Variants in RALYL observed in about 807,000 individuals in gnomAD.
The protein encoded by RALYL is RALY RNA binding protein like.
A neutral mutation model predicts 35.1 loss-of-function variants in RALYL; 29 were observed. That is an observed-to-expected ratio of 0.83 (90% CI 0.61 to 1.13). The LOEUF (loss-of-function observed/expected upper bound fraction) is 1.13. Ranked by LOEUF, RALYL falls within the 50% of genes most tolerant of loss-of-function variation. The pLI is 0.00. For synonymous variants in RALYL, 120 were observed against 127.6 expected (o/e 0.94, Z 0.40); for missense variants, 359 against 360.4 (o/e 1.00, Z 0.03).
intron 1 of RALYL, among the ~76,000 whole-genome samples, chr8:84,492,273 C>A (rs1233280345): frequency 6.6e-6 from 1 of 152,024 alleles, no homozygotes; most frequent in Non-Finnish European, 1.5e-5. Flanking sequence ...GAACACCAAT[C>A]CCTACATTTA....
At position 84,921,804 on chromosome 8, in the gene RALYL, A is replaced by G. The variant is rs1424668688; in HGVS notation, c.*893A>G. 2.0e-5 allele frequency: 3 copies of G among 152,208 alleles called. No individual in the cohort carries two copies. The highest frequency in any genetic ancestry group is 2.9e-5 in the Non-Finnish European group (2 of 68,012). 9.4% of individuals were successfully genotyped at this position (152,208 alleles called of 1,614,324 possible). A position where few individuals can be genotyped will look rare whatever the true frequency, so the allele number is the denominator to read the frequency against. On this transcript the variant is annotated 3_prime_UTR_variant, in exon 9 of 9. Transcript: ENST00000521268. ...TCTTCACAGACCGTAGGAGAATTCA[A>G]CATATAATTTCTTAATAAATACTGT... is the stretch of plus-strand genomic sequence containing the variant.
chr8:84,268,604 C>A (rs769679718), intron 1 of RALYL, among the ~76,000 whole-genome samples: 5 of 152,056 alleles, frequency 3.3e-5, no homozygotes, highest in African/African-American at 1.2e-4. Flanking sequence ...AGTTAAGATA[C>A]GCGGAACTAC....
chr8:84,376,421 G>T (rs1409872385), intron 1 of RALYL, among the ~76,000 whole-genome samples: 1 of 151,760 alleles, frequency 6.6e-6, no homozygotes, highest in Admixed American at 6.6e-5. Context: ...TTAGAAGAAG[G>T]TTATATGTAT....
intron 1 of RALYL, among the ~76,000 whole-genome samples, chr8:84,468,327 A>C (rs1314476319): frequency 1.3e-5 from 2 of 152,080 alleles, no homozygotes; most frequent in South Asian, 4.2e-4. Context: ...GAGCTCTTGT[A>C]AGGCAGGCCT....
At chr8:84,633,652 T>C (rs758310623) in intron 2 of RALYL, among the ~76,000 whole-genome samples, 6 of 151,818 alleles carry the variant, frequency 4.0e-5, no homozygotes, top group Non-Finnish European at 5.9e-5. Flanking sequence ...CAATACTAAC[T>C]AAAGATTAAA....
chr8:84,442,654 C>T (rs776442906), intron 1 of RALYL, among the ~76,000 whole-genome samples: 26 of 152,104 alleles, frequency 1.7e-4, no homozygotes, highest in Non-Finnish European at 2.1e-4. Context: ...TCTTCCCTCA[C>T]AGGAAACAGC....
chr8:84,684,651 G>A (rs567633302), intron 2 of RALYL, among the ~76,000 whole-genome samples: 8 of 152,282 alleles, frequency 5.3e-5, no homozygotes, highest in Non-Finnish European at 1.0e-4. Flanking sequence ...ACCTGAGGCT[G>A]GAAAGGTATG....
In RALYL at chr8:84,282,399, G is replaced by A. The variant is rs552732035; in HGVS notation, c.-24+97975G>A. 7.6e-4 allele frequency among the ~76,000 whole-genome samples: 115 copies of A among 152,038 alleles called. 1 individual carries two copies. The highest frequency in any genetic ancestry group is 2.7e-3 in the African/African-American group (114 of 41,536). On this transcript the variant is annotated intron_variant, in intron 1 of 8. Transcript: ENST00000521268. The stretch of plus-strand genomic sequence containing the variant: ...CATAGTAATTGCTAAAGGATATTTG[G>A]ATGAATTTTTGAGTAAATAAAACAA...
At chr8:84,680,595 G>T (rs1049652467) in intron 2 of RALYL, among the ~76,000 whole-genome samples, 3 of 152,126 alleles carry the variant, frequency 2.0e-5, no homozygotes, top group African/African-American at 7.2e-5. Flanking sequence ...TTCTCTGATG[G>T]CCAGTGATGA....
intron 2 of RALYL, chr8:84,679,719 A>C (rs1834973020): frequency 1.9e-6 from 1 of 520,802 alleles, no homozygotes; most frequent in Non-Finnish European, 3.9e-6. Context: ...CCTCAAGGCA[A>C]TATTAAGTGC....
intron 3 of RALYL, among the ~76,000 whole-genome samples, chr8:84,779,357 C>T (rs1817573094): frequency 6.6e-6 from 1 of 152,104 alleles, no homozygotes; most frequent in African/African-American, 2.4e-5. Context: ...TATCAGAGAA[C>T]AAAGACACTA....
At chr8:84,468,251 C>T (rs2133593726) in intron 1 of RALYL, among the ~76,000 whole-genome samples, 1 of 152,078 alleles carries the variant, frequency 6.6e-6, no homozygotes. Flanking sequence ...ATGGTCTTTA[C>T]ATTTTGGCAT....
intron 7 of RALYL, among the ~76,000 whole-genome samples, chr8:84,879,054 C>T (rs1460704745): frequency 2.0e-5 from 3 of 152,070 alleles, no homozygotes; most frequent in Non-Finnish European, 4.4e-5. Flanking sequence ...AGAGGAAAAA[C>T]AGAGCCTTCC....
At chr8:84,699,796 A>G (rs907597132) in intron 2 of RALYL, among the ~76,000 whole-genome samples, 1 of 152,164 alleles carries the variant, frequency 6.6e-6, no homozygotes, top group Admixed American at 6.6e-5. Context: ...TTATGTGGCT[A>G]TCATCCGAAA....
intron 4 of RALYL, among the ~76,000 whole-genome samples, chr8:84,821,233 C>T (rs1274085071): frequency 6.6e-6 from 1 of 152,020 alleles, no homozygotes; most frequent in Non-Finnish European, 1.5e-5. Flanking sequence ...ATTTTGTGTT[C>T]TTCAATGAAT....
chr8:84,681,015 A>G (rs1433729941), intron 2 of RALYL, among the ~76,000 whole-genome samples: 1 of 151,916 alleles, frequency 6.6e-6, no homozygotes, highest in African/African-American at 2.4e-5. Flanking sequence ...TCCATCTTGA[A>G]TTAATTTTTG....
intron 1 of RALYL, among the ~76,000 whole-genome samples, chr8:84,506,788 C>T (rs1435219746): frequency 6.6e-6 from 1 of 151,478 alleles, no homozygotes; most frequent in African/African-American, 2.4e-5. Flanking sequence ...AAAATTTTAC[C>T]TGGTTGAAAT....
rs77115432 is a variant in RALYL at position 84,760,603 on chromosome 8, C to G, written c.257-13976C>G. ...TTACATTTACCACATAAATTATTTA[C>G]ATTTTGTTTACATTTTATTAGAAAT... On this transcript the variant is annotated intron_variant, in intron 2 of 8. Coordinates refer to ENST00000521268, the MANE Select transcript of RALYL (RefSeq NM_173848.7). 7.4e-3 allele frequency among the ~76,000 whole-genome samples: 1,119 copies of G among 152,138 alleles called. 19 individuals are homozygous for G. The highest frequency in any genetic ancestry group is 0.025 in the African/African-American group (1,057 of 41,548).
intron 7 of RALYL, among the ~76,000 whole-genome samples, chr8:84,877,475 A>AT (rs1841393018): frequency 1.3e-5 from 2 of 152,200 alleles, no homozygotes; most frequent in South Asian, 4.2e-4. Context: ...CGACAGCGAG[A>AT]TTCCATCTCA....
Sources: allele counts gnomAD v4.1 joint callset (sites outside exome capture counted in the v4.1 genomes callset), GRCh38; gene constraint gnomAD v4.1.1; transcripts MANE v1.5; gene names NCBI Gene and HGNC (gene_info 2026-07-23, HGNC 2026-07-21).